Variants in ZNF442 observed in about 807,000 individuals in gnomAD.
ZNF442 encodes zinc finger protein 442.
A neutral mutation model predicts 57.0 loss-of-function variants in ZNF442; 45 were observed. The ratio of observed to expected loss-of-function variants is 0.79; its 90% confidence interval spans 0.62 to 1.01. The LOEUF (loss-of-function observed/expected upper bound fraction) is 1.01. Ranked by LOEUF, ZNF442 falls within the 50% of genes least tolerant of loss-of-function variation. The pLI is 0.00. For synonymous variants in ZNF442, 213 were observed against 241.8 expected, an observed-to-expected ratio of 0.88 and a Z score of 1.10; for missense variants, 690 against 756.5, an observed-to-expected ratio of 0.91 and a Z score of 1.03.
At chr19:12,361,715 G>C (rs1969429761) in intron 3 of ZNF442, among the ~76,000 whole-genome samples, 1 of 130,664 alleles carries the variant, frequency 7.7e-6, no homozygotes, top group African/African-American at 3.0e-5. Flanking sequence ...TGTCCCCACG[G>C]TCTCCCTCTC....
upstream of ZNF442, among the ~76,000 whole-genome samples, chr19:12,369,464 C>T (rs62111313): frequency 0.015 from 2,230 of 151,872 alleles, 27 homozygotes; most frequent in South Asian, 0.027. Context: ...ACTAAAAATA[C>T]GAAATTAGCC....
chr19:12,350,370 G>T lies in ZNF442; in HGVS notation c.1215C>A (p.His405Gln), dbSNP rs1324071308. The change falls in exon 6 of 6, where the codon CAC becomes CAA. Residue 405 changes from histidine (H) to glutamine (Q), a missense_variant. Physicochemically the swap from His to Gln is conservative, Grantham distance 24. Transcript: ENST00000242804. ...AGGCTTTCCCACATACCTTGCATTT[G>T]TGAGGTCCATCTCCAGTGTGCATTA... ...HMIMHTGDGP[H>Q]KCKVCGKAFI... 2 of 1,613,784 alleles carry T rather than the reference G, an allele frequency of 1.2e-6. No individual in the cohort carries two copies. The highest frequency in any genetic ancestry group is 1.7e-6 in the Non-Finnish European group (2 of 1,180,002).
chr19:12,369,884 G>A (rs1969567249), upstream of ZNF442, among the ~76,000 whole-genome samples: 1 of 151,158 alleles, frequency 6.6e-6, no homozygotes, highest in African/African-American at 2.4e-5. Context: ...CCAGCCTGGC[G>A]ACAAAGCTAG....
chr19:12,360,045 G>T (rs1283943361), intron 3 of ZNF442, among the ~76,000 whole-genome samples: 1 of 151,500 alleles, frequency 6.6e-6, no homozygotes. Context: ...TTCTAATCTT[G>T]GTTGCTCTTC....
chr19:12,365,513 G>T lies in ZNF442; in HGVS notation c.-483+20C>A. ...CCAGTCCTTCGCCCTGCCCCAGGAC[G>T]CCGGGCCCCGCACACTCACCATTTC... is the stretch of plus-strand genomic sequence containing the variant. On this transcript the variant is annotated intron_variant, in intron 1 of 5. Coordinates refer to ENST00000242804, the MANE Select transcript of ZNF442 (RefSeq NM_030824.3). 1.8e-6 allele frequency: 1 copy of T among 561,038 alleles called. No homozygotes were observed. The highest frequency in any genetic ancestry group is 3.2e-6 in the Non-Finnish European group (1 of 315,258). The allele number at this position is 561,038 out of a possible 1,614,324, so 34.8% of individuals were successfully genotyped here.
chr19:12,352,971 C>T lies in ZNF442; in HGVS notation c.205+17G>A, dbSNP rs1969268817. On this transcript the variant is annotated intron_variant, in intron 4 of 5. Transcript: ENST00000242804. ...ATGTCTCTAATTGACTAAGTGAAGACATAATGTCATTTTTACCTATACAGT... is the reference window on the plus strand; with the variant it reads ...ATGTCTCTAATTGACTAAGTGAAGATATAATGTCATTTTTACCTATACAGT... 6.3e-7 allele frequency: 1 copy of T among 1,592,024 alleles called. No homozygotes were observed. The highest frequency in any genetic ancestry group is 8.5e-7 in the Non-Finnish European group (1 of 1,174,024).
intron 3 of ZNF442, among the ~76,000 whole-genome samples, chr19:12,362,002 G>C (rs949816876): frequency 2.0e-5 from 3 of 152,204 alleles, no homozygotes; most frequent in African/African-American, 7.2e-5. Flanking sequence ...GATTGCAGAC[G>C]GAGTCTCGTT....
chr19:12,370,213 T>A (rs10406820), upstream of ZNF442, among the ~76,000 whole-genome samples: 46,141 of 150,720 alleles, frequency 0.31, 7,757 homozygotes, highest in African/African-American at 0.45. Flanking sequence ...AGATGGTCCC[T>A]TCTGGGGGTG....
Position 12,349,762 on chromosome 19 carries a change from G to A in ZNF442, c.1823C>T (p.Ala608Val). 6.2e-7 allele frequency: 1 copy of A among 1,614,108 alleles called. No individual in the cohort carries two copies. The highest frequency in any genetic ancestry group is 8.5e-7 in the Non-Finnish European group (1 of 1,179,978). ...KMHECKECGK[A>V]LSSLSSLHRH... ...ATGCAAGGAACTGAGAGAACTCAGT[G>A]CCTTCCCACATTCCTTACATTCATG... Residue 608 changes from alanine to valine, a missense_variant, in exon 6 of 6, where the codon GCA (alanine) becomes GTA (valine). Transcript: ENST00000242804.
chr19:12,368,085 C>A (rs779707363), upstream of ZNF442, among the ~76,000 whole-genome samples: 28 of 152,256 alleles, frequency 1.8e-4, no homozygotes, highest in Middle Eastern at 3.4e-3. Context: ...CTGCCCAACC[C>A]CACAGGCAGT....
rs780945718 is a variant in ZNF442 at position 12,350,751 on chromosome 19, A to C, written c.834T>G (p.Ser278Arg). Reference sequence around the variant, plus strand: ...GAGTTCTTTCATGTCTTACATAGGAACTGTAATCAGGGAAGGCTTTGGAAC... The same window carrying C: ...GAGTTCTTTCATGTCTTACATAGGACCTGTAATCAGGGAAGGCTTTGGAAC... The part of the protein sequence containing the change: ...KHCSKAFPDY[S>R]SYVRHERTHT... The change falls in exon 6 of 6, where the codon AGT (serine) becomes AGG (arginine). Residue 278 changes from serine (S) to arginine (R), a missense_variant. Transcript: ENST00000242804. 6.2e-7 allele frequency: 1 copy of C among 1,613,758 alleles called. No individual in the cohort carries two copies. Among genetic ancestry groups the C allele is most frequent in the South Asian group, 1.1e-5 (1 of 91,046 alleles).
chr19:12,359,806 C>T (rs557934617), intron 3 of ZNF442, among the ~76,000 whole-genome samples: 15 of 152,176 alleles, frequency 9.9e-5, no homozygotes, highest in African/African-American at 3.4e-4. Context: ...GGTGAAACCT[C>T]ATCTCTACAA....
upstream of ZNF442, among the ~76,000 whole-genome samples, chr19:12,367,202 A>G (rs901433022): frequency 6.6e-6 from 1 of 152,204 alleles, no homozygotes; most frequent in Non-Finnish European, 1.5e-5. Context: ...GAAAGAGTAC[A>G]AAGAGAAGAA....
upstream of ZNF442, among the ~76,000 whole-genome samples, chr19:12,369,952 G>A (rs1168431713): frequency 6.6e-6 from 1 of 151,504 alleles, no homozygotes; most frequent in Non-Finnish European, 1.5e-5. Flanking sequence ...TCTTCTGTGG[G>A]TGGGGATTTT....
At chr19:12,367,503 T>C (rs1969547432), upstream of ZNF442, among the ~76,000 whole-genome samples, 1 of 152,160 alleles carries the variant, frequency 6.6e-6, no homozygotes, top group South Asian at 2.1e-4. Context: ...GACTAGAATT[T>C]ACCAGGCTGG....
At chr19:12,369,502 C>T (rs764236343), upstream of ZNF442, among the ~76,000 whole-genome samples, 44 of 152,246 alleles carry the variant, frequency 2.9e-4, no homozygotes, top group Non-Finnish European at 4.6e-4. Flanking sequence ...CCTATAATCC[C>T]AGCTACTTGG....
At chr19:12,370,694 G>C (rs1000823632), upstream of ZNF442, among the ~76,000 whole-genome samples, 2 of 152,066 alleles carry the variant, frequency 1.3e-5, no homozygotes, top group African/African-American at 4.8e-5. Context: ...ATAATTAGCG[G>C]CTGGGCATGG....
chr19:12,351,041 C>A lies in ZNF442; in HGVS notation c.544G>T (p.Asp182Tyr). ...AAGGTTTTCCCACATTCCTTACAAT[C>A]ATAGCGTTTCTTTCCAGTGTGAGGT... ...ERPHTGKKRYDCKECGKTFSS... is the reference protein window; with the variant it reads ...ERPHTGKKRYYCKECGKTFSS... Residue 182 changes from aspartate to tyrosine, a missense_variant, in exon 6 of 6, where the codon GAT (aspartate) becomes TAT (tyrosine). Physicochemically the swap from Asp to Tyr is radical, Grantham distance 160. Transcript: ENST00000242804. 1 of 1,614,124 alleles carries A rather than the reference C, an allele frequency of 6.2e-7. No homozygotes were observed. Among genetic ancestry groups the A allele is most frequent in the Non-Finnish European group, 8.5e-7 (1 of 1,179,976 alleles).
chr19:12,368,355 C>A (rs561293427), upstream of ZNF442, among the ~76,000 whole-genome samples: 41 of 152,228 alleles, frequency 2.7e-4, no homozygotes, highest in African/African-American at 9.9e-4. Flanking sequence ...GAAATCTTCA[C>A]AATTTATGTT....
Sources: gnomAD v4.1 joint callset for allele counts (sites outside exome capture counted in the v4.1 genomes callset) on GRCh38, gnomAD v4.1.1 for gene constraint, MANE v1.5 for transcripts, NCBI Gene and HGNC (gene_info 2026-07-23, HGNC 2026-07-21) for gene names.